Variants in MBOAT1 observed in about 807,000 individuals in gnomAD.
The protein encoded by MBOAT1 is membrane-bound glycerophospholipid O-acyltransferase 1.
A neutral mutation model predicts 64.4 loss-of-function variants in MBOAT1; 67 were observed. The observed-to-expected ratio is 1.04, with a 90% confidence interval of 0.85 to 1.27. The LOEUF (loss-of-function observed/expected upper bound fraction) is 1.27. Ranked by LOEUF, MBOAT1 falls within the 50% of genes most tolerant of loss-of-function variation. The pLI, the probability that MBOAT1 is intolerant of heterozygous loss-of-function variation, is 0.00. For missense variants in MBOAT1, 563 were observed against 604.6 expected, an observed-to-expected ratio of 0.93 and a Z score of 0.72; for synonymous variants, 229 against 218.9, an observed-to-expected ratio of 1.05 and a Z score of -0.41.
intron 4 of MBOAT1, among the ~76,000 whole-genome samples, chr6:20,140,650 A>G (rs560530707): frequency 5.0e-4 from 76 of 152,174 alleles, no homozygotes; most frequent in Non-Finnish European, 8.8e-4. Context: ...TTACACCCCT[A>G]GTTCTCAGGC....
intron 9 of MBOAT1, among the ~76,000 whole-genome samples, chr6:20,117,611 G>A (rs1028255793): frequency 1.3e-5 from 2 of 152,256 alleles, no homozygotes; most frequent in South Asian, 4.1e-4. Context: ...GGTGGCAGGT[G>A]GTCAGTTTCT....
intron 12 of MBOAT1, among the ~76,000 whole-genome samples, chr6:20,108,819 C>T (rs1285688425): frequency 1.3e-5 from 2 of 152,332 alleles, no homozygotes; most frequent in Admixed American, 6.5e-5. Flanking sequence ...GTACTAAAGA[C>T]GGTGCTCTGA....
chr6:20,205,884 G>A (rs1378994489), intron 1 of MBOAT1, among the ~76,000 whole-genome samples: 1 of 151,992 alleles, frequency 6.6e-6, no homozygotes, highest in Non-Finnish European at 1.5e-5. Context: ...CCTCATCAGG[G>A]CTCTGAGACC....
chr6:20,113,279 C>G (rs764194969), intron 10 of MBOAT1, among the ~76,000 whole-genome samples: 1 of 152,186 alleles, frequency 6.6e-6, no homozygotes, highest in Non-Finnish European at 1.5e-5. Flanking sequence ...CTGGACCCAT[C>G]ACACTGTATC....
Position 20,115,281 on chromosome 6 carries a change from T to C in MBOAT1, c.1076+7A>G, listed in dbSNP as rs114631523. 89,567 of 1,611,480 alleles carry C rather than the reference T, an allele frequency of 0.056. 3,046 individuals are homozygous for C. Among genetic ancestry groups the C allele is most frequent in the Admixed American group, 0.096 (5,766 of 60,008 alleles). On this transcript the variant is annotated splice_region_variant and intron_variant, in intron 10 of 12. Coordinates refer to ENST00000324607, the MANE Select transcript of MBOAT1 (RefSeq NM_001080480.3). Reference sequence around the variant, plus strand: ...CTAAGTAATGAGGTCGTTTTTGTTTTTCTTACCACTTTAGCCAAGTAGCTG... The same window carrying C: ...CTAAGTAATGAGGTCGTTTTTGTTTCTCTTACCACTTTAGCCAAGTAGCTG...
chr6:20,191,586 G>A (rs1033256861), intron 1 of MBOAT1, among the ~76,000 whole-genome samples: 4 of 152,162 alleles, frequency 2.6e-5, no homozygotes, highest in African/African-American at 9.7e-5. Context: ...GACTTGACCA[G>A]CACAGAGTGG....
intron 1 of MBOAT1, among the ~76,000 whole-genome samples, chr6:20,176,889 G>T (rs1457169184): frequency 6.6e-6 from 1 of 152,150 alleles, no homozygotes; most frequent in Admixed American, 6.5e-5. Flanking sequence ...CTCCCAAAGT[G>T]CTGGGATTAC....
chr6:20,139,885 AC>A (rs1399655310), intron 4 of MBOAT1, among the ~76,000 whole-genome samples: 23 of 152,258 alleles, frequency 1.5e-4, no homozygotes, highest in African/African-American at 5.5e-4. Flanking sequence ...AAAATATGTA[AC>A]TAGACATTCA....
chr6:20,142,807 G>A (rs1761217829), intron 4 of MBOAT1, among the ~76,000 whole-genome samples: 1 of 152,180 alleles, frequency 6.6e-6, no homozygotes, highest in South Asian at 2.1e-4. Context: ...GAGAAAGCAC[G>A]CTCCACAATG....
intron 10 of MBOAT1, among the ~76,000 whole-genome samples, chr6:20,113,883 C>A (rs1457167278): frequency 2.7e-5 from 4 of 150,940 alleles, no homozygotes; most frequent in Non-Finnish European, 3.0e-5. Context: ...CAGTGAACAC[C>A]AACCCAGCAC....
intron 1 of MBOAT1, among the ~76,000 whole-genome samples, chr6:20,198,485 AT>A (rs1247572087): frequency 2.0e-5 from 3 of 152,174 alleles, no homozygotes; most frequent in African/African-American, 7.2e-5. Context: ...CCTATCTATC[AT>A]TGCCTAACTA....
intron 1 of MBOAT1, among the ~76,000 whole-genome samples, chr6:20,206,531 C>T (rs923799453): frequency 2.6e-5 from 4 of 152,138 alleles, no homozygotes; most frequent in African/African-American, 9.7e-5. Context: ...CCTCCAGACT[C>T]CCCCACACTC....
At chr6:20,145,996 G>A (rs534879457) in intron 3 of MBOAT1, among the ~76,000 whole-genome samples, 2 of 152,254 alleles carry the variant, frequency 1.3e-5, no homozygotes, top group African/African-American at 4.8e-5. Context: ...AATTATTTGT[G>A]TATGTGTCTG....
intron 1 of MBOAT1, among the ~76,000 whole-genome samples, chr6:20,168,513 G>GAGAGGAGAGA (rs1561773058): frequency 8.6e-5 from 12 of 139,972 alleles, no homozygotes; most frequent in South Asian, 4.7e-4. Flanking sequence ...GAGAGGAGAG[G>GAGAGGAGAGA]AGAGGAGAGG....
chr6:20,119,989 C>CTGTGTGTGTGTGTGTG (rs762718910), intron 8 of MBOAT1, among the ~76,000 whole-genome samples: 1 of 94,966 alleles, frequency 1.1e-5, no homozygotes, highest in African/African-American at 3.9e-5. Flanking sequence ...ACTATCTTTT[C>CTGTGTGTGTGTGTGTG]TGTGTGTGTG....
chr6:20,114,429 A>T (rs1198337092), intron 10 of MBOAT1, among the ~76,000 whole-genome samples: 1 of 152,254 alleles, frequency 6.6e-6, no homozygotes, highest in African/African-American at 2.4e-5. Context: ...CAACAAAAAT[A>T]TAAATTTTAA....
In MBOAT1 at chr6:20,152,674, A is replaced by C; in HGVS notation, c.195T>G (p.His65Gln). 1 of 1,612,042 alleles carries C rather than the reference A, an allele frequency of 6.2e-7. No homozygotes were observed. Residue 65 changes from histidine (H) to glutamine (Q), a missense_variant, in exon 2 of 13, where the codon CAT (histidine) becomes CAG (glutamine). By Grantham distance (24) the His-to-Gln change is conservative (BLOSUM62 0). Transcript: ENST00000324607. ...RPGTTSSDVR[H>Q]AVATIFGIYF... ...AGATGCCAAAAATGGTGGCAACCGC[A>C]TGCCGGACATCAGAGCTGGTTGTAC...
intron 3 of MBOAT1, among the ~76,000 whole-genome samples, chr6:20,146,621 A>C (rs1490100603): frequency 6.6e-6 from 1 of 152,180 alleles, no homozygotes; most frequent in Non-Finnish European, 1.5e-5. Context: ...CGCAAAGCAG[A>C]CTCAAAAGAT....
chr6:20,161,686 A>C (rs540397186), intron 1 of MBOAT1, among the ~76,000 whole-genome samples: 10 of 152,234 alleles, frequency 6.6e-5, no homozygotes, highest in Non-Finnish European at 1.0e-4. Flanking sequence ...GGTTAAGTGC[A>C]TGGAGCAAGT....
Sources: allele counts gnomAD v4.1 joint callset (sites outside exome capture counted in the v4.1 genomes callset), GRCh38; gene constraint gnomAD v4.1.1; transcripts MANE v1.5; gene names NCBI Gene and HGNC (gene_info 2026-07-23, HGNC 2026-07-21).